BMPR2: variants seen among roughly 807,000 people sequenced by gnomAD.
The protein encoded by BMPR2 is bone morphogenetic protein receptor type 2, also known as bone morphogenetic protein receptor type-2.
A neutral mutation model predicts 100.8 loss-of-function variants in BMPR2; 29 were observed. The observed-to-expected ratio is 0.29, with a 90% CI of 0.21 to 0.39. BMPR2 has a LOEUF of 0.39. Among genes scored for constraint, BMPR2 ranks in the 10% least tolerant of loss-of-function variants. The probability of loss-of-function intolerance (pLI) is 1.00; values close to 1 mark genes in which losing one functional copy is unlikely to be tolerated. For synonymous variants in BMPR2, 382 were observed against 442.3 expected (o/e 0.86, Z 1.71); for missense variants, 1,011 against 1,274.5 (o/e 0.79, Z 3.15).
At chr2:202,436,484 A>G (rs1176639983) in intron 1 of BMPR2, among the ~76,000 whole-genome samples, 3 of 150,608 alleles carry the variant, frequency 2.0e-5, no homozygotes, top group African/African-American at 7.5e-5. Context: ...AAAAAAACCC[A>G]CAAAAACAAA....
chr2:202,449,006 G>A (rs1691917584), intron 1 of BMPR2, among the ~76,000 whole-genome samples: 1 of 150,618 alleles, frequency 6.6e-6, no homozygotes, highest in South Asian at 2.1e-4. Flanking sequence ...CTCTTTAGGT[G>A]TACAGAAAAG....
intron 3 of BMPR2, among the ~76,000 whole-genome samples, chr2:202,486,331 G>A (rs761586234): frequency 6.6e-6 from 1 of 152,032 alleles, no homozygotes; most frequent in Non-Finnish European, 1.5e-5. Flanking sequence ...TTTTGAAATA[G>A]CAAAATAATG....
chr2:202,531,045 G>A, intron 8 of BMPR2, 91 bp downstream of exon 8: 8 of 1,493,630 alleles, frequency 5.4e-6, no homozygotes, highest in Non-Finnish European at 7.3e-6. Context: ...GCTCACGCCT[G>A]TAATCCCAGC....
chr2:202,434,929 A>T (rs1159565568), intron 1 of BMPR2, among the ~76,000 whole-genome samples: 56 of 102,436 alleles, frequency 5.5e-4, no homozygotes, highest in Non-Finnish European at 8.6e-4. Flanking sequence ...ATATATATAT[A>T]TATATATTTA....
chr2:202,471,718 C>T (rs1255820804), intron 3 of BMPR2, among the ~76,000 whole-genome samples: 4 of 152,060 alleles, frequency 2.6e-5, no homozygotes, highest in Non-Finnish European at 5.9e-5. Flanking sequence ...CTAGGCAGTG[C>T]CTGTCTTTTA....
chr2:202,534,174 A>G (rs1011106130), intron 9 of BMPR2, among the ~76,000 whole-genome samples: 5 of 148,188 alleles, frequency 3.4e-5, no homozygotes, highest in Non-Finnish European at 7.4e-5. Context: ...AAGTGTGTGT[A>G]TATATATATA....
intron 1 of BMPR2, among the ~76,000 whole-genome samples, chr2:202,416,374 C>T (rs903953143): frequency 6.6e-6 from 1 of 151,756 alleles, no homozygotes; most frequent in Non-Finnish European, 1.5e-5. Flanking sequence ...TATCAACCCA[C>T]CTCGGCCTTC....
intron 1 of BMPR2, among the ~76,000 whole-genome samples, chr2:202,378,755 A>C (rs1690210773): frequency 6.6e-6 from 1 of 152,074 alleles, no homozygotes; most frequent in Admixed American, 6.6e-5. Flanking sequence ...TAATAATTGT[A>C]GTTGCTTTCA....
At chr2:202,534,967 C>CCCTTCCGGACGGGGCGG (rs1688107951) in intron 9 of BMPR2, among the ~76,000 whole-genome samples, 1 of 71,658 alleles carries the variant, frequency 1.4e-5, no homozygotes, top group Non-Finnish European at 3.1e-5. Flanking sequence ...CCCCCCACCT[C>CCCTTCCGGACGGGGCGG]CTGGCCGGGC....
chr2:202,391,291 TTTGTTGTTG>T (rs34935440), intron 1 of BMPR2, among the ~76,000 whole-genome samples: 5 of 151,582 alleles, frequency 3.3e-5, no homozygotes, highest in Middle Eastern at 3.4e-3. Flanking sequence ...GTCTTATAGT[TTTGTTGTTG>T]TTGTTGTTGT....
rs189557976 is a variant in BMPR2 at position 202,452,137 on chromosome 2, A to G, written c.77-12672A>G. Among the ~76,000 whole-genome samples the G allele has an allele frequency of 1.6e-4, 24 of 152,066 alleles. No individual in the cohort carries two copies. The East Asian group carries it at 3.3e-3, about 21-fold the overall frequency. On this transcript the variant is annotated intron_variant, in intron 1 of 12. Coordinates refer to ENST00000374580, the MANE Select transcript of BMPR2 (RefSeq NM_001204.7). ...TACAGTACATTTTTATCATCCCCCA[A>G]AGATTCCTTATGCCCCTTTGTATTC... is the stretch of plus-strand genomic sequence containing the variant.
intron 1 of BMPR2, among the ~76,000 whole-genome samples, chr2:202,462,166 C>T (rs78828492): frequency 6.6e-6 from 1 of 152,046 alleles, no homozygotes; most frequent in Non-Finnish European, 1.5e-5. Flanking sequence ...AGTAAAATAC[C>T]ACTTCCACAC....
intron 1 of BMPR2, among the ~76,000 whole-genome samples, chr2:202,428,400 C>G (rs1691435722): frequency 7.0e-6 from 1 of 142,258 alleles, no homozygotes; most frequent in South Asian, 2.3e-4. Context: ...CTCTCTTTCT[C>G]TCTCTCTTTT....
intron 1 of BMPR2, among the ~76,000 whole-genome samples, chr2:202,419,690 G>A (rs1298678488): frequency 1.3e-5 from 2 of 152,108 alleles, no homozygotes; most frequent in Non-Finnish European, 2.9e-5. Flanking sequence ...ACTGGGAAAT[G>A]TGAAACAGTG....
chr2:202,406,522 G>A (rs1218694927), intron 1 of BMPR2, among the ~76,000 whole-genome samples: 1 of 152,214 alleles, frequency 6.6e-6, no homozygotes, highest in African/African-American at 2.4e-5. Context: ...GAGTCCTACT[G>A]TTTTATTTTC....
chr2:202,403,644 A>G (rs1375918281), intron 1 of BMPR2, among the ~76,000 whole-genome samples: 1 of 152,200 alleles, frequency 6.6e-6, no homozygotes, highest in Non-Finnish European at 1.5e-5. Flanking sequence ...TTTAGATTTC[A>G]TATTTTTATA....
At chr2:202,378,448 C>G (rs969798104) in intron 1 of BMPR2, among the ~76,000 whole-genome samples, 7 of 151,950 alleles carry the variant, frequency 4.6e-5, no homozygotes, top group Admixed American at 2.0e-4. Context: ...GCTTTTAAAA[C>G]GAGTAAAGGA....
At chr2:202,529,787 A>T (rs1687984002) in intron 7 of BMPR2, among the ~76,000 whole-genome samples, 1 of 152,222 alleles carries the variant, frequency 6.6e-6, no homozygotes, top group African/African-American at 2.4e-5. Context: ...CTCATTAATG[A>T]GCGTAATACA....
rs10190482 is a variant in BMPR2, at chr2:202,433,205, G to A, written c.77-31604G>A. Among the ~76,000 whole-genome samples, 146 of 150,576 alleles carry A rather than the reference G, an allele frequency of 9.7e-4. 13 individuals carry two copies. Among genetic ancestry groups the A allele is most frequent in the African/African-American group, 3.5e-3 (139 of 39,958 alleles). ...TGGACCTCCAGGATCTTTAGGACTT[G>A]TATTAGTCAGGATTCTCCAGATAAA... is the stretch of plus-strand genomic sequence containing the variant. On this transcript the variant is annotated intron_variant, in intron 1 of 12. Coordinates refer to ENST00000374580, the MANE Select transcript of BMPR2 (RefSeq NM_001204.7).
Sources: gnomAD v4.1 joint callset for allele counts (sites outside exome capture counted in the v4.1 genomes callset) on GRCh38, gnomAD v4.1.1 for gene constraint, MANE v1.5 for transcripts, NCBI Gene and HGNC (gene_info 2026-07-23, HGNC 2026-07-21) for gene names.